Variants in MRTFB observed in about 807,000 individuals in gnomAD.
The protein encoded by MRTFB is myocardin related transcription factor B, also known as myocardin-related transcription factor B.
MRTFB carries 29 observed loss-of-function variants against 104.2 expected under a neutral mutation model. That is an observed-to-expected ratio of 0.28 (90% confidence interval 0.21 to 0.38). MRTFB has a LOEUF of 0.38. MRTFB is among the 10% of genes least tolerant of loss of function. The pLI is 1.00. For synonymous variants in MRTFB, 535 were observed against 519.5 expected (o/e 1.03, Z -0.41); for missense variants, 1,270 against 1,341.6 (o/e 0.95, Z 0.83).
chr16:14,126,981 CA>C (rs1248326693), intron 2 of MRTFB, among the ~76,000 whole-genome samples: 2 of 152,140 alleles, frequency 1.3e-5, no homozygotes, highest in African/African-American at 2.4e-5. Context: ...AGTGTAATTC[CA>C]AACACCTGAC....
intron 8 of MRTFB, among the ~76,000 whole-genome samples, chr16:14,219,237 C>G (rs1337075507): frequency 1.3e-5 from 2 of 152,100 alleles, no homozygotes; most frequent in African/African-American, 4.8e-5. Context: ...ATGTTTTGAT[C>G]ATTGATGGAA....
At position 14,132,899 on chromosome 16, in the gene MRTFB, G is replaced by C. The variant is rs543111812; in HGVS notation, c.-63-7645G>C. 6.8e-4 allele frequency among the ~76,000 whole-genome samples: 103 copies of C among 152,306 alleles called. 1 individual carries two copies. Among genetic ancestry groups the C allele is most frequent in the Non-Finnish European group, 1.0e-3 (70 of 68,026 alleles). Reference sequence around the variant, plus strand: ...TGAGTTGTGTCCTAACCACAAGTCAGCTGTGTTTGTTCCTAAATCTGTTTA... The same window carrying C: ...TGAGTTGTGTCCTAACCACAAGTCACCTGTGTTTGTTCCTAAATCTGTTTA... On this transcript the variant is annotated intron_variant, in intron 2 of 16. Transcript: ENST00000571589.
At chr16:14,009,921 C>A in the MRTFB span, 9 of 152,206 alleles carry the variant, frequency 5.9e-5, no homozygotes, top group African/African-American at 2.2e-4. Context: ...CTCCCCCTTC[C>A]ACCCCTGCCC....
chr16:14,256,110 CAA>C (rs201182839), intron 15 of MRTFB, among the ~76,000 whole-genome samples: 9 of 73,394 alleles, frequency 1.2e-4, no homozygotes, highest in Admixed American at 1.6e-4. Context: ...GAGACTGTCT[CAA>C]AAAAAAAAAA....
At chr16:14,067,220 CTTTTTTTT>C, upstream of MRTFB, among the ~76,000 whole-genome samples, 1 of 127,974 alleles carries the variant, frequency 7.8e-6, no homozygotes, top group South Asian at 2.5e-4. Flanking sequence ...TGTTAACCCT[CTTTTTTTT>C]TTTTTTTTTT....
chr16:14,257,584 T>C (rs1183027743), intron 15 of MRTFB, among the ~76,000 whole-genome samples: 1 of 143,788 alleles, frequency 7.0e-6, no homozygotes, highest in Non-Finnish European at 1.6e-5. Context: ...TGCCTACGGA[T>C]GAGGGGATGA....
chr16:14,166,382 C>T (rs1346577288), intron 3 of MRTFB, among the ~76,000 whole-genome samples: 1 of 152,122 alleles, frequency 6.6e-6, no homozygotes, highest in African/African-American at 2.4e-5. Context: ...ATCCACTTAA[C>T]AGTCCATCAA....
At chr16:14,242,288 A>G (rs1183190371) in intron 10 of MRTFB, among the ~76,000 whole-genome samples, 1 of 152,082 alleles carries the variant, frequency 6.6e-6, no homozygotes, top group African/African-American at 2.4e-5. Context: ...TTGTCTTTCC[A>G]TTAAGGCTTC....
intron 12 of MRTFB, chr16:14,247,716 G>C (rs4781590): frequency 0.027 from 15,657 of 577,714 alleles, 272 homozygotes; most frequent in Middle Eastern, 0.088. Flanking sequence ...TGCTTTTCTA[G>C]TCCTGTTACC....
At chr16:14,127,925 A>ATTT (rs1194378476) in intron 2 of MRTFB, among the ~76,000 whole-genome samples, 2 of 38,406 alleles carry the variant, frequency 5.2e-5, no homozygotes, top group African/African-American at 3.7e-4. Flanking sequence ...ATATATATAT[A>ATTT]TATATTTTTT....
chr16:14,127,561 G>A (rs940298531), intron 2 of MRTFB, among the ~76,000 whole-genome samples: 8 of 150,778 alleles, frequency 5.3e-5, no homozygotes, highest in African/African-American at 9.8e-5. Context: ...GGAGAATGGC[G>A]TGAACCCGGG....
Position 14,247,480 on chromosome 16 carries a change from A to G in MRTFB, c.2220A>G (p.Gln740=). The part of the protein sequence containing the change: ...SIQGSSVTSV[Q]LPVGSLKLQT... ...AGGGCTCGAGTGTCACCTCAGTGCAACTCCCTGTAGGCAGCCTCAAACTCC... is the reference window on the plus strand; with the variant it reads ...AGGGCTCGAGTGTCACCTCAGTGCAGCTCCCTGTAGGCAGCCTCAAACTCC... The change falls in exon 12 of 17, where the codon CAA becomes CAG. Residue 740 remains glutamine, a synonymous_variant. Coordinates refer to ENST00000571589, the MANE Select transcript of MRTFB (RefSeq NM_001308142.2). 1.9e-6 allele frequency: 3 copies of G among 1,573,080 alleles called. No homozygotes were observed. Among genetic ancestry groups the G allele is most frequent in the Non-Finnish European group, 2.6e-6 (3 of 1,164,706 alleles).
the MRTFB span, among the ~76,000 whole-genome samples, chr16:14,023,282 A>G: frequency 6.6e-6 from 1 of 152,000 alleles, no homozygotes; most frequent in Non-Finnish European, 1.5e-5. Context: ...TACAAAAAAT[A>G]AAAATAAAAA....
At chr16:14,116,801 A>G (rs934550888) in intron 2 of MRTFB, among the ~76,000 whole-genome samples, 11 of 152,076 alleles carry the variant, frequency 7.2e-5, no homozygotes, top group Admixed American at 5.2e-4. Context: ...ATTGTCAAAC[A>G]TCCTCAGGGG....
intron 9 of MRTFB, among the ~76,000 whole-genome samples, chr16:14,237,497 G>C (rs536673455): frequency 1.3e-5 from 2 of 152,348 alleles, no homozygotes; most frequent in African/African-American, 4.8e-5. Context: ...GTTGGAGTGG[G>C]CACAAGAGAG....
chr16:14,095,850 GA>G (rs1339847799), intron 2 of MRTFB, among the ~76,000 whole-genome samples: 1 of 152,054 alleles, frequency 6.6e-6, no homozygotes, highest in Non-Finnish European at 1.5e-5. Flanking sequence ...TTCTCTATCA[GA>G]ATAAGAATAT....
intron 3 of MRTFB, chr16:14,148,754 C>T (rs1402787284): frequency 6.6e-6 from 1 of 152,670 alleles, no homozygotes; most frequent in Non-Finnish European, 1.5e-5. Context: ...CTCTCTGTGT[C>T]ACAGCTTGCC....
intron 16 of MRTFB, 33 bp downstream of exon 16, chr16:14,258,194 A>G: frequency 1.3e-6 from 2 of 1,586,602 alleles, no homozygotes; most frequent in South Asian, 2.2e-5. Flanking sequence ...TCCTCCCAGG[A>G]AGTCATCTCT....
intron 3 of MRTFB, chr16:14,186,930 A>C: frequency 1.3e-6 from 2 of 1,598,244 alleles, no homozygotes; most frequent in Non-Finnish European, 1.7e-6. Context: ...CGATAGCTCC[A>C]AGAAGCAGCA....
Sources: allele counts gnomAD v4.1 joint callset (sites outside exome capture counted in the v4.1 genomes callset), GRCh38; gene constraint gnomAD v4.1.1; transcripts MANE v1.5; gene names NCBI Gene and HGNC (gene_info 2026-07-23, HGNC 2026-07-21).